Variants in PFKFB1 observed in about 807,000 individuals in gnomAD.
The protein encoded by PFKFB1 is 6-phosphofructo-2-kinase/fructose-2,6-bisphosphatase 1.
Under a neutral mutation model 46.4 loss-of-function variants are expected in PFKFB1, and 34 were observed. The ratio of observed to expected loss-of-function variants is 0.73; its 90% CI spans 0.56 to 0.98. The LOEUF (loss-of-function observed/expected upper bound fraction) is 0.98, where lower values mean the gene tolerates loss of function less well. Among genes scored for constraint, PFKFB1 ranks in the 50% least tolerant of loss-of-function variants. PFKFB1 has a pLI of 0.00. For synonymous variants in PFKFB1, 119 were observed against 133.8 expected, an observed-to-expected ratio of 0.89 and a Z score of 0.76; for missense variants, 393 against 376.3, an observed-to-expected ratio of 1.04 and a Z score of -0.37.
intron 1 of PFKFB1, among the ~76,000 whole-genome samples, chrX:54,976,615 A>T (rs907470321): frequency 3.6e-5 from 4 of 111,645 alleles, no homozygotes; most frequent in Non-Finnish European, 7.6e-5. Context: ...CACTTGACAT[A>T]TGACCTAGCA....
upstream of PFKFB1, among the ~76,000 whole-genome samples, chrX:54,996,078 T>G (rs1935352583): frequency 8.9e-6 from 1 of 112,215 alleles, no homozygotes; most frequent in Non-Finnish European, 1.9e-5. Flanking sequence ...ACCTAATTTC[T>G]CCCAGGCCAG....
Position 54,963,326 on chromosome X carries a change from C to A in PFKFB1, c.154G>T (p.Ala52Ser). 4 of 1,208,527 alleles carry A rather than the reference C, an allele frequency of 3.3e-6. No individual in the cohort carries two copies. Among genetic ancestry groups the A allele is most frequent in the Non-Finnish European group, 4.5e-6 (4 of 892,734 alleles). The change falls in exon 2 of 14, where the codon GCT (alanine) becomes TCT (serine). Residue 52 changes from alanine to serine, a missense_variant. Ala to Ser is a moderately conservative substitution (Grantham distance 99). Coordinates refer to ENST00000375006, the MANE Select transcript of PFKFB1 (RefSeq NM_002625.4). ...GTGGAGATATAGGTCTTGCCTCGAG[C>A]TGGTAAACCCACCATGATCACCATT... ...PTMVIMVGLP[A>S]RGKTYISTKL...
chrX:54,948,988 C>T (rs1933882384), intron 9 of PFKFB1, 87 bp downstream of exon 9: 1 of 1,044,142 alleles, frequency 9.6e-7, no homozygotes, highest in Non-Finnish European at 1.3e-6. Context: ...TTAGGCTCCC[C>T]ATAGGGGCTG....
chrX:54,958,230 C>T, intron 6 of PFKFB1, 76 bp downstream of exon 6: 1 of 584,268 alleles, frequency 1.7e-6, no homozygotes, highest in East Asian at 3.4e-5. Context: ...TTGCCTTAGG[C>T]ATAATCTCAC....
At chrX:54,997,189 A>G (rs1935369538), upstream of PFKFB1, among the ~76,000 whole-genome samples, 1 of 112,277 alleles carries the variant, frequency 8.9e-6, no homozygotes, top group Admixed American at 9.4e-5. Context: ...ATATTATAAC[A>G]GAGAGCTGTG....
At chrX:54,953,293 T>C (rs748904654) in intron 7 of PFKFB1, among the ~76,000 whole-genome samples, 12 of 111,709 alleles carry the variant, frequency 1.1e-4, no homozygotes, top group Non-Finnish European at 1.9e-4. Context: ...AGGTTGCTGA[T>C]AGGTTTGGTT....
intron 1 of PFKFB1, among the ~76,000 whole-genome samples, chrX:54,964,961 T>G (rs758752413): frequency 9.0e-6 from 1 of 110,618 alleles, no homozygotes; most frequent in South Asian, 3.8e-4. Context: ...AACTTGAAGA[T>G]AGGTCAATAG....
intron 10 of PFKFB1, among the ~76,000 whole-genome samples, chrX:54,942,048 A>G (rs1054088798): frequency 2.3e-4 from 26 of 112,258 alleles, no homozygotes; most frequent in South Asian, 1.1e-3. Context: ...ATACACCATG[A>G]AATACTATGC....
chrX:54,933,382 G>A lies in PFKFB1; in HGVS notation c.*21C>T. On this transcript the variant is annotated 3_prime_UTR_variant, in exon 14 of 14. Coordinates refer to ENST00000375006, the MANE Select transcript of PFKFB1 (RefSeq NM_002625.4). The stretch of plus-strand genomic sequence containing the variant: ...GTGGAAGGCGATGAGGACACAGGCA[G>A]TTTGACTTCTTGGAAAGGGCTCAGT... 1 of 1,178,566 alleles carries A rather than the reference G, an allele frequency of 8.5e-7. No individual in the cohort carries two copies. The highest frequency in any genetic ancestry group is 1.2e-6 in the Non-Finnish European group (1 of 865,176).
At chrX:54,994,510 G>A, upstream of PFKFB1, 1 of 754,582 alleles carries the variant, frequency 1.3e-6, no homozygotes, top group Non-Finnish European at 1.6e-6. Flanking sequence ...ATGGGCCCAA[G>A]TAGAATGTCA....
chrX:54,941,527 A>G (rs1933633181), intron 10 of PFKFB1, among the ~76,000 whole-genome samples: 1 of 112,150 alleles, frequency 8.9e-6, no homozygotes, highest in Non-Finnish European at 1.9e-5. Context: ...ATGTACAAAG[A>G]ACTGAAACAA....
intron 7 of PFKFB1, among the ~76,000 whole-genome samples, chrX:54,954,084 T>A (rs1324920411): frequency 5.4e-5 from 6 of 111,985 alleles, no homozygotes; most frequent in African/African-American, 1.9e-4. Context: ...TAAAAATTTT[T>A]TAAAAAATTT....
At chrX:54,939,412 T>G (rs1602174187) in intron 10 of PFKFB1, among the ~76,000 whole-genome samples, 1 of 111,221 alleles carries the variant, frequency 9.0e-6, no homozygotes, top group Non-Finnish European at 1.9e-5. Flanking sequence ...CTGAAGGAGA[T>G]AGAGACACAA....
chrX:54,952,817 G>A (rs1260758379), intron 7 of PFKFB1, among the ~76,000 whole-genome samples: 1 of 109,921 alleles, frequency 9.1e-6, no homozygotes, highest in African/African-American at 3.3e-5. Flanking sequence ...CAAATACTTG[G>A]AAACACATGA....
chrX:54,984,750 G>A (rs1935073588), intron 1 of PFKFB1, among the ~76,000 whole-genome samples: 1 of 111,622 alleles, frequency 9.0e-6, no homozygotes, highest in Non-Finnish European at 1.9e-5. Flanking sequence ...CAGAGAGCTA[G>A]CATTTAGCAT....
At chrX:54,982,939 C>T (rs1602223965) in intron 1 of PFKFB1, among the ~76,000 whole-genome samples, 2 of 111,226 alleles carry the variant, frequency 1.8e-5, no homozygotes, top group South Asian at 3.7e-4. Context: ...GATAGGCACT[C>T]CTTTCTTTAA....
intron 1 of PFKFB1, among the ~76,000 whole-genome samples, chrX:54,967,702 CA>C (rs1433100693): frequency 8.7e-5 from 2 of 23,071 alleles, no homozygotes; most frequent in East Asian, 2.4e-3. Context: ...TTTATGCAGC[CA>C]AAAAACACAT....
intron 11 of PFKFB1, among the ~76,000 whole-genome samples, chrX:54,935,993 T>C (rs757165896): frequency 2.7e-5 from 3 of 111,489 alleles, no homozygotes; most frequent in Non-Finnish European, 3.8e-5. Context: ...TTGGCTTTTT[T>C]CCTTCCTGGG....
At chrX:54,980,710 A>AACACACACAC (rs751759536) in intron 1 of PFKFB1, among the ~76,000 whole-genome samples, 20 of 83,391 alleles carry the variant, frequency 2.4e-4, no homozygotes, top group African/African-American at 3.1e-4. Context: ...AAAAAAAGCC[A>AACACACACAC]ACACACACAC....
Sources: allele counts gnomAD v4.1 joint callset (sites outside exome capture counted in the v4.1 genomes callset), GRCh38; gene constraint gnomAD v4.1.1; transcripts MANE v1.5; gene names NCBI Gene and HGNC (gene_info 2026-07-23, HGNC 2026-07-21).